The following PPIL2 variants were observed in gnomAD, a reference collection of about 807,000 sequenced individuals.
The protein encoded by PPIL2 is RING-type E3 ubiquitin-protein ligase PPIL2.
In PPIL2, 50 loss-of-function variants were observed where a neutral mutation model predicts 75.2. The observed-to-expected ratio is 0.66, with a 90% CI of 0.53 to 0.84. The LOEUF (loss-of-function observed/expected upper bound fraction) is 0.84. Among genes scored for constraint, PPIL2 ranks in the 40% least tolerant of loss-of-function variants. The probability of loss-of-function intolerance (pLI) is 0.00; values close to 1 mark genes in which losing one functional copy is unlikely to be tolerated. For missense variants in PPIL2, 590 were observed against 685.0 expected (o/e 0.86, Z 1.55); for synonymous variants, 245 against 258.8 (o/e 0.95, Z 0.51).
At chr22:21,673,059 CAGTACA>C (rs911581072) in intron 5 of PPIL2, among the ~76,000 whole-genome samples, 2 of 152,074 alleles carry the variant, frequency 1.3e-5, no homozygotes, top group African/African-American at 4.8e-5. Flanking sequence ...CCCTGCTCTC[CAGTACA>C]AGGGGAACTT....
chr22:21,695,293 G>C, intron 19 of PPIL2, 101 bp from the exon 20 acceptor site: 1 of 1,385,222 alleles, frequency 7.2e-7, no homozygotes, highest in Non-Finnish European at 9.9e-7. Flanking sequence ...GCAGCAGGTG[G>C]GAGGGGTTGG....
chr22:21,687,798 G>A, intron 13 of PPIL2, 66 bp downstream of exon 13: 1 of 1,475,416 alleles, frequency 6.8e-7, no homozygotes, highest in Non-Finnish European at 9.4e-7. Context: ...GGGTGGGCTT[G>A]TCCCTGCCCC....
intron 5 of PPIL2, among the ~76,000 whole-genome samples, chr22:21,673,767 C>T (rs73382369): frequency 0.017 from 2,582 of 152,306 alleles, 27 homozygotes; most frequent in South Asian, 0.037. Context: ...GTCAGCAGAG[C>T]CTTGCTAGCC....
At chr22:21,682,980 G>A (rs952286534) in intron 8 of PPIL2, among the ~76,000 whole-genome samples, 2 of 152,146 alleles carry the variant, frequency 1.3e-5, no homozygotes, top group African/African-American at 2.4e-5. Context: ...GCGAGGCTGC[G>A]TCCCCGTCCC....
chr22:21,697,050 G>A lies in PPIL2; in HGVS notation c.*1560G>A. On this transcript the variant is annotated 3_prime_UTR_variant, in exon 20 of 20. Coordinates refer to ENST00000398831, the MANE Select transcript of PPIL2 (RefSeq NM_014337.4). Reference sequence around the variant, plus strand: ...CATCCCTGTCTGTGACCATTGGTCGGGCCCCTGGGCTCTAGAGTGACTTTT... The same window carrying A: ...CATCCCTGTCTGTGACCATTGGTCGAGCCCCTGGGCTCTAGAGTGACTTTT... 6.7e-6 allele frequency: 10 copies of A among 1,492,666 alleles called. No individual in the cohort carries two copies. Among genetic ancestry groups the A allele is most frequent in the Non-Finnish European group, 9.0e-6 (10 of 1,106,254 alleles). The allele number at this position is 1,492,666 out of a possible 1,614,324, so 92.5% of individuals were successfully genotyped here.
At position 21,697,344 on chromosome 22, in the gene PPIL2, G is replaced by C. The variant is rs1248689629; in HGVS notation, c.*1854G>C. 1.5e-5 allele frequency: 4 copies of C among 275,004 alleles called. No individual in the cohort carries two copies. The highest frequency in any genetic ancestry group is 2.8e-5 in the Non-Finnish European group (4 of 142,346). The allele number at this position is 275,004 out of a possible 1,614,324, so 17.0% of individuals were successfully genotyped here. A position where few individuals can be genotyped will look rare whatever the true frequency, so the allele number is the denominator to read the frequency against. On this transcript the variant is annotated 3_prime_UTR_variant, in exon 20 of 20. Coordinates refer to ENST00000398831, the MANE Select transcript of PPIL2 (RefSeq NM_014337.4). ...TGTGCCCACCCTGACAGACACCCTG[G>C]CTGGCCCTGACTGACTGTATTCTCT...
chr22:21,697,097 C>T lies in PPIL2; in HGVS notation c.*1607C>T, dbSNP rs759679178. On this transcript the variant is annotated 3_prime_UTR_variant, in exon 20 of 20. Transcript: ENST00000398831. ...TTTTGACGCCCTCCATCCCTCCCGCCAGGCACTGTCCTCCGCAAGGCCTGG... is the reference window on the plus strand; with the variant it reads ...TTTTGACGCCCTCCATCCCTCCCGCTAGGCACTGTCCTCCGCAAGGCCTGG... The T allele has an allele frequency of 4.3e-6, 5 of 1,163,136 alleles. No homozygotes were observed. Among genetic ancestry groups the T allele is most frequent in the Non-Finnish European group, 6.0e-6 (5 of 830,574 alleles). 72.1% of individuals were successfully genotyped at this position (1,163,136 alleles called of 1,614,324 possible).
At chr22:21,693,970 T>C in intron 16 of PPIL2, 98 bp downstream of exon 16, 4 of 1,276,874 alleles carry the variant, frequency 3.1e-6, no homozygotes, top group Non-Finnish European at 4.6e-6. Flanking sequence ...TGGACCTGAG[T>C]CATGTGCCAT....
Position 21,696,306 on chromosome 22 carries a change from GAGAAT to G in PPIL2, c.*817_*821del. ...CTGCCTGGCGTCTCTGTGCCCCTGT[GAGAAT>G]CTTGAGGGGACCCACACTGGGTTGA... On this transcript the variant is annotated 3_prime_UTR_variant, in exon 20 of 20. Coordinates refer to ENST00000398831, the MANE Select transcript of PPIL2 (RefSeq NM_014337.4). The G allele has an allele frequency of 1.9e-6, 2 of 1,049,976 alleles. No homozygotes were observed. The highest frequency in any genetic ancestry group is 2.3e-6 in the Non-Finnish European group (2 of 868,988). The allele number at this position is 1,049,976 out of a possible 1,614,324, so 65.0% of individuals were successfully genotyped here.
At chr22:21,680,700 G>A (rs1006465412) in intron 6 of PPIL2, among the ~76,000 whole-genome samples, 32 of 151,296 alleles carry the variant, frequency 2.1e-4, no homozygotes, top group Admixed American at 1.3e-3. Flanking sequence ...CATGATGGCA[G>A]GCACCTGTAG....
chr22:21,683,099 C>T lies in PPIL2; in HGVS notation c.478-83C>T, dbSNP rs2067200755. On this transcript the variant is annotated intron_variant, in intron 8 of 19. Coordinates refer to ENST00000398831, the MANE Select transcript of PPIL2 (RefSeq NM_014337.4). Reference sequence around the variant, plus strand: ...GCCCTGGCCTCTTCCACACCTCTGACAGCTGGCCGTCCTTTGCTGCATGTG... The same window carrying T: ...GCCCTGGCCTCTTCCACACCTCTGATAGCTGGCCGTCCTTTGCTGCATGTG... 1.4e-5 allele frequency: 17 copies of T among 1,202,638 alleles called. No homozygotes were observed. In the South Asian group the frequency reaches 1.9e-4, roughly 14 times the overall value. The allele number at this position is 1,202,638 out of a possible 1,614,324, so 74.5% of individuals were successfully genotyped here.
At position 21,670,546 on chromosome 22, in the gene PPIL2, T is replaced by C; in HGVS notation, c.83-20T>C. 1 of 1,594,628 alleles carries C rather than the reference T, an allele frequency of 6.3e-7. No individual in the cohort carries two copies. On this transcript the variant is annotated intron_variant, in intron 2 of 19. Transcript: ENST00000398831. ...ACTTTACAGAGTAAGATTTCTGTTTTTTATTTCATTTTTAAACAGATCTCC... is the reference window on the plus strand; with the variant it reads ...ACTTTACAGAGTAAGATTTCTGTTTCTTATTTCATTTTTAAACAGATCTCC...
intron 7 of PPIL2, among the ~76,000 whole-genome samples, chr22:21,681,598 A>G (rs2067133400): frequency 6.6e-6 from 1 of 152,228 alleles, no homozygotes; most frequent in African/African-American, 2.4e-5. Flanking sequence ...GGGGAGGTGC[A>G]TCCTTCGGAA....
intron 11 of PPIL2, 125 bp downstream of exon 11, chr22:21,686,683 C>A: frequency 9.0e-7 from 1 of 1,112,608 alleles, no homozygotes; most frequent in Non-Finnish European, 1.3e-6. Flanking sequence ...GCCCCTAGTC[C>A]TCCCCCTCTT....
chr22:21,687,124 C>A, intron 12 of PPIL2, 126 bp downstream of exon 12: 3 of 905,586 alleles, frequency 3.3e-6, no homozygotes, highest in Non-Finnish European at 5.2e-6. Flanking sequence ...TGTCACTAGG[C>A]GGGACCCGCA....
At chr22:21,666,962 G>C (rs2148490540) in intron 1 of PPIL2, among the ~76,000 whole-genome samples, 1 of 69,184 alleles carries the variant, frequency 1.4e-5, no homozygotes. Context: ...ACTCAAGTCA[G>C]AATTTCGACC....
chr22:21,670,377 G>A (rs745986484), intron 2 of PPIL2, 189 bp from the exon 3 acceptor site: 2 of 1,501,166 alleles, frequency 1.3e-6, no homozygotes, highest in Non-Finnish European at 1.8e-6. Context: ...ACTTTTCCCA[G>A]TAAGTTCTTT....
At chr22:21,674,572 G>C (rs1194906551) in intron 5 of PPIL2, among the ~76,000 whole-genome samples, 1 of 151,936 alleles carries the variant, frequency 6.6e-6, no homozygotes, top group African/African-American at 2.4e-5. Flanking sequence ...GTGGTGGCGT[G>C]TGTCTGTAGT....
In PPIL2 at chr22:21,671,076, A is replaced by AT. The variant is rs2066613794; in HGVS notation, c.191+21dup. The AT allele has an allele frequency of 1.3e-6, 2 of 1,596,204 alleles. No individual in the cohort carries two copies. Among genetic ancestry groups the AT allele is most frequent in the African/African-American group, 2.7e-5 (2 of 74,520 alleles). On this transcript the variant is annotated intron_variant, in intron 4 of 19. Coordinates refer to ENST00000398831, the MANE Select transcript of PPIL2 (RefSeq NM_014337.4). The stretch of plus-strand genomic sequence containing the variant: ...TGACTTACTGTGAGTTTTTCCTTGA[A>AT]TTTTGATCTAACAAATGTGAGATTC...
Sources: allele counts gnomAD v4.1 joint callset (sites outside exome capture counted in the v4.1 genomes callset), GRCh38; gene constraint gnomAD v4.1.1; transcripts MANE v1.5; gene names NCBI Gene and HGNC (gene_info 2026-07-23, HGNC 2026-07-21).